USH2A: variants seen among roughly 807,000 people sequenced by gnomAD.
USH2A encodes the protein usherin, also known as Usher syndrome 2A (autosomal recessive, mild).
Under a neutral mutation model 538.9 loss-of-function variants are expected in USH2A, and 443 were observed. The observed-to-expected ratio is 0.82, with a 90% CI of 0.76 to 0.89. The LOEUF (loss-of-function observed/expected upper bound fraction) is 0.89, where lower values mean the gene tolerates loss of function less well. USH2A is among the 40% of genes least tolerant of loss of function. The pLI is 0.00. For synonymous variants in USH2A, 2,413 were observed against 2,273.5 expected (o/e 1.06, Z -1.75); for missense variants, 6,633 against 6,324.8 (o/e 1.05, Z -1.65).
intron 44 of USH2A, among the ~76,000 whole-genome samples, chr1:215,848,240 T>C (rs908592929): frequency 3.6e-4 from 55 of 152,176 alleles, no homozygotes; most frequent in African/African-American, 1.3e-3. Flanking sequence ...GTGGCTGCTA[T>C]GGTATAATGC....
chr1:216,147,735 A>C (rs2033739889), intron 21 of USH2A, among the ~76,000 whole-genome samples: 4 of 150,440 alleles, frequency 2.7e-5, no homozygotes, highest in Admixed American at 1.3e-4. Flanking sequence ...AACCCCAGCC[A>C]CATCTCCAGC....
chr1:215,676,341 G>T (rs1658026255), intron 62 of USH2A, among the ~76,000 whole-genome samples: 1 of 152,142 alleles, frequency 6.6e-6, no homozygotes, highest in African/African-American at 2.4e-5. Context: ...CTGTACAAAT[G>T]TAGAGCAAGT....
intron 60 of USH2A, among the ~76,000 whole-genome samples, chr1:215,733,180 G>A (rs994788627): frequency 4.0e-5 from 5 of 124,986 alleles, no homozygotes; most frequent in African/African-American, 1.6e-4. Flanking sequence ...GAGAGCAGGA[G>A]CAAGAGAGAG....
chr1:215,782,191 T>C lies in USH2A; in HGVS notation c.10591A>G (p.Ile3531Val), dbSNP rs761468977. 6 of 1,613,770 alleles carry C rather than the reference T, an allele frequency of 3.7e-6. No homozygotes were observed. Among genetic ancestry groups the C allele is most frequent in the South Asian group, 1.1e-5 (1 of 91,082 alleles). ...TTTCGAAGAAGGATGTAGTAAATAA[T>C]AGGACCTAAAAGAAGCAGAAAAATG... The part of the protein sequence containing the change: ...WRKPIQSNGP[I>V]IYYILLRNGI... Residue 3531 changes from isoleucine to valine, a missense_variant, in exon 54 of 72, where the codon ATT becomes GTT. By Grantham distance (29) the Ile-to-Val change is conservative. Coordinates refer to ENST00000307340, the MANE Select transcript of USH2A (RefSeq NM_206933.4).
chr1:215,836,778 G>A (rs895962109), intron 47 of USH2A, among the ~76,000 whole-genome samples: 15 of 149,018 alleles, frequency 1.0e-4, no homozygotes, highest in Admixed American at 8.2e-4. Flanking sequence ...GGATGGTCTC[G>A]ATCTCCTGAG....
intron 50 of USH2A, among the ~76,000 whole-genome samples, chr1:215,796,848 CAAAAT>C (rs1662154649): frequency 3.6e-5 from 1 of 27,464 alleles, no homozygotes; most frequent in African/African-American, 8.7e-5. Context: ...TGAAGAAAAT[CAAAAT>C]GCTCCTCTTC....
chr1:216,245,497 G>C (rs1294219424), intron 13 of USH2A, among the ~76,000 whole-genome samples: 1 of 151,492 alleles, frequency 6.6e-6, no homozygotes, highest in African/African-American at 2.4e-5. Context: ...GAGAGAGAGA[G>C]AGAGAGAGAG....
At chr1:215,751,673 T>G (rs1168124108) in intron 58 of USH2A, among the ~76,000 whole-genome samples, 1 of 152,150 alleles carries the variant, frequency 6.6e-6, no homozygotes, top group Non-Finnish European at 1.5e-5. Flanking sequence ...CTTTGCTCTC[T>G]TTAATATAAA....
At chr1:215,948,423 C>CATAT (rs1167914331) in intron 37 of USH2A, among the ~76,000 whole-genome samples, 38 of 88,624 alleles carry the variant, frequency 4.3e-4, no homozygotes, top group South Asian at 2.2e-3. Context: ...CATATTTGTT[C>CATAT]AGATATATAT....
Position 216,188,951 on chromosome 1 carries a change from G to A in USH2A, c.4396+1272C>T, listed in dbSNP as rs539117462. Among the ~76,000 whole-genome samples, 4 of 151,944 alleles carry A rather than the reference G, an allele frequency of 2.6e-5. No individual in the cohort carries two copies. In the South Asian group the frequency reaches 8.3e-4, roughly 32 times the overall value. ...TATTTTAATTTTTGTCTTCTAGTCTGAAATTGTATCATTTAAAGGAGATAG... is the reference window on the plus strand; with the variant it reads ...TATTTTAATTTTTGTCTTCTAGTCTAAAATTGTATCATTTAAAGGAGATAG... On this transcript the variant is annotated intron_variant, in intron 20 of 71. Coordinates refer to ENST00000307340, the MANE Select transcript of USH2A (RefSeq NM_206933.4).
intron 67 of USH2A, among the ~76,000 whole-genome samples, chr1:215,646,777 T>C (rs1656866536): frequency 6.6e-6 from 1 of 152,230 alleles, no homozygotes; most frequent in African/African-American, 2.4e-5. Context: ...TTCACCCGCC[T>C]TGGCCTCCCA....
chr1:215,862,003 C>A (rs538124483), intron 44 of USH2A, among the ~76,000 whole-genome samples: 1 of 152,032 alleles, frequency 6.6e-6, no homozygotes, highest in Admixed American at 6.5e-5. Flanking sequence ...CCACACCTGG[C>A]CAATTTTTGT....
At chr1:215,771,764 A>C (rs1377755128) in intron 55 of USH2A, among the ~76,000 whole-genome samples, 1 of 152,088 alleles carries the variant, frequency 6.6e-6, no homozygotes, top group African/African-American at 2.4e-5. Context: ...CTACTTACCA[A>C]GTACTAGACT....
intron 35 of USH2A, among the ~76,000 whole-genome samples, chr1:215,983,716 A>T (rs903595182): frequency 1.8e-4 from 28 of 152,346 alleles, no homozygotes; most frequent in African/African-American, 6.7e-4. Context: ...CAGGAAACCA[A>T]TGACAACTCA....
At chr1:216,403,474 T>TA (rs896443475) in intron 3 of USH2A, among the ~76,000 whole-genome samples, 11 of 152,074 alleles carry the variant, frequency 7.2e-5, no homozygotes, top group Admixed American at 5.9e-4. Context: ...TTGGAAAGAT[T>TA]AAAAAAACTG....
chr1:216,295,555 C>T (rs1244835980), intron 9 of USH2A, among the ~76,000 whole-genome samples: 1 of 151,834 alleles, frequency 6.6e-6, no homozygotes, highest in African/African-American at 2.4e-5. Context: ...AAACCAATTA[C>T]ATTTTATCAA....
At chr1:216,200,977 A>ATCCCTCCCTCCCTTCCTCCC (rs2034977471) in intron 16 of USH2A, among the ~76,000 whole-genome samples, 3 of 50,098 alleles carry the variant, frequency 6.0e-5, no homozygotes, top group African/African-American at 3.0e-4. Flanking sequence ...CCCCCCATCC[A>ATCCCTCCCTCCCTTCCTCCC]TCCCTCCCTC....
At chr1:215,739,639 C>T (rs1275570044) in intron 60 of USH2A, among the ~76,000 whole-genome samples, 3 of 152,178 alleles carry the variant, frequency 2.0e-5, no homozygotes, top group African/African-American at 7.2e-5. Context: ...ACCATTTTTA[C>T]GTGTTCATGT....
At chr1:216,106,315 T>C (rs1319216526) in intron 21 of USH2A, among the ~76,000 whole-genome samples, 1 of 37,734 alleles carries the variant, frequency 2.7e-5, no homozygotes, top group African/African-American at 1.5e-4. Context: ...CATATATGTA[T>C]ACTATATATA....
Sources: gnomAD v4.1 joint callset for allele counts (sites outside exome capture counted in the v4.1 genomes callset) on GRCh38, gnomAD v4.1.1 for gene constraint, MANE v1.5 for transcripts, NCBI Gene and HGNC (gene_info 2026-07-23, HGNC 2026-07-21) for gene names.